Variants in ALK observed in about 807,000 individuals in gnomAD.
The protein encoded by ALK is ALK receptor tyrosine kinase, also known as ALK tyrosine kinase receptor.
Under a neutral mutation model 163.1 loss-of-function variants are expected in ALK, and 74 were observed. The observed-to-expected ratio is 0.45, with a 90% CI of 0.38 to 0.55. The LOEUF (loss-of-function observed/expected upper bound fraction) is 0.55. Ranked by LOEUF, ALK falls within the 20% of genes least tolerant of loss-of-function variation. ALK has a pLI of 0.00. For synonymous variants in ALK, 960 were observed against 843.2 expected (o/e 1.14, Z -2.40); for missense variants, 2,063 against 2,105.3 (o/e 0.98, Z 0.39).
intron 26 of ALK, 116 bp downstream of exon 26, chr2:29,207,055 C>G (rs1669329727): frequency 2.5e-6 from 2 of 793,222 alleles, no homozygotes; most frequent in South Asian, 1.4e-5. Context: ...TGTATTGATT[C>G]TTCTCTTTTC....
At chr2:29,414,396 C>T (rs756569618) in intron 4 of ALK, among the ~76,000 whole-genome samples, 1 of 152,180 alleles carries the variant, frequency 6.6e-6, no homozygotes, top group Non-Finnish European at 1.5e-5. Context: ...ACCTGACAGC[C>T]TGGAGACTGA....
At chr2:29,792,023 T>C (rs867589285) in intron 1 of ALK, among the ~76,000 whole-genome samples, 9 of 152,334 alleles carry the variant, frequency 5.9e-5, no homozygotes, top group Non-Finnish European at 7.3e-5. Flanking sequence ...GAAGTGTCCA[T>C]GTATAGGTTT....
chr2:29,584,712 G>C (rs1674831075), intron 3 of ALK, among the ~76,000 whole-genome samples: 2 of 152,194 alleles, frequency 1.3e-5, no homozygotes. Flanking sequence ...ATTTTGCCAA[G>C]TGATCAGAAT....
At chr2:29,318,238 C>A (rs2276549) in intron 8 of ALK, 66 bp downstream of exon 8, 8 of 1,350,288 alleles carry the variant, frequency 5.9e-6, no homozygotes, top group Non-Finnish European at 8.5e-6. Flanking sequence ...CTTTCTTAAT[C>A]TGGGTTCCGG....
chr2:29,857,133 T>C (rs1371593727), intron 1 of ALK, among the ~76,000 whole-genome samples: 1 of 152,226 alleles, frequency 6.6e-6, no homozygotes, highest in Admixed American at 6.5e-5. Context: ...ACCTAGATCA[T>C]GAAATGTGCA....
chr2:29,786,090 G>A (rs559264529), intron 1 of ALK, among the ~76,000 whole-genome samples: 20 of 152,244 alleles, frequency 1.3e-4, no homozygotes, highest in Admixed American at 9.2e-4. Flanking sequence ...AAGAAAAAAC[G>A]AGACTAAGGA....
At chr2:29,717,865 C>G (rs574436430) in intron 1 of ALK, among the ~76,000 whole-genome samples, 168 bp from the exon 2 acceptor site, 1 of 152,034 alleles carries the variant, frequency 6.6e-6, no homozygotes, top group Admixed American at 6.6e-5. Flanking sequence ...ACCTCAGGAC[C>G]CTGATGTACA....
chr2:29,762,775 C>T (rs1217785567), intron 1 of ALK, among the ~76,000 whole-genome samples: 1 of 152,146 alleles, frequency 6.6e-6, no homozygotes, highest in East Asian at 1.9e-4. Flanking sequence ...TTCCAAGCAT[C>T]TATGGCAGGG....
chr2:29,739,949 G>A (rs957094785), intron 1 of ALK, among the ~76,000 whole-genome samples: 1 of 152,080 alleles, frequency 6.6e-6, no homozygotes, highest in African/African-American at 2.4e-5. Context: ...TGGATAAAAT[G>A]CCAAAAACAC....
rs578119283 is a variant in ALK, at chr2:29,786,520, G to A, written c.668-68823C>T. On this transcript the variant is annotated intron_variant, in intron 1 of 28. Transcript: ENST00000389048. ...TGTGTTAAGAGCGACGGTGCTGGAG[G>A]GCTTCCAGGAGTTGTGTAGAGATCA... is the stretch of plus-strand genomic sequence containing the variant. Among the ~76,000 whole-genome samples, 3 of 152,282 alleles carry A rather than the reference G, an allele frequency of 2.0e-5. No individual in the cohort carries two copies. The South Asian group carries it at 6.2e-4, about 32-fold the overall frequency.
chr2:29,813,139 C>T (rs113507046), intron 1 of ALK, among the ~76,000 whole-genome samples: 2,100 of 152,284 alleles, frequency 0.014, 47 homozygotes, highest in African/African-American at 0.048. Context: ...ATGGAGGAGG[C>T]TGAAGAACAT....
At chr2:29,477,737 G>A (rs1671562400) in intron 4 of ALK, among the ~76,000 whole-genome samples, 1 of 152,178 alleles carries the variant, frequency 6.6e-6, no homozygotes, top group South Asian at 2.1e-4. Flanking sequence ...GGAACTGGAG[G>A]CTCTGTGTGG....
intron 8 of ALK, among the ~76,000 whole-genome samples, chr2:29,302,380 T>G (rs980020056): frequency 6.6e-6 from 1 of 152,154 alleles, no homozygotes; most frequent in African/African-American, 2.4e-5. Context: ...TAGCTGGGTG[T>G]GGTGGCAGGC....
At chr2:29,685,652 C>G (rs998474954) in intron 3 of ALK, among the ~76,000 whole-genome samples, 8 of 110,334 alleles carry the variant, frequency 7.3e-5, no homozygotes, top group African/African-American at 1.9e-4. Context: ...GCCCTGGCCC[C>G]AAGAGCATGT....
intron 5 of ALK, among the ~76,000 whole-genome samples, chr2:29,382,816 T>C (rs1050426531): frequency 6.6e-6 from 1 of 152,210 alleles, no homozygotes; most frequent in Admixed American, 6.5e-5. Flanking sequence ...GTGATTTTTC[T>C]TTTCCCCACA....
At chr2:29,636,947 G>A (rs547136429) in intron 3 of ALK, among the ~76,000 whole-genome samples, 6 of 152,122 alleles carry the variant, frequency 3.9e-5, no homozygotes, top group Admixed American at 2.6e-4. Flanking sequence ...ACCAAATACT[G>A]ATAAGGATTC....
rs772461583 is a variant in ALK at position 29,193,219 on chromosome 2, C to G, written c.*5G>C. On this transcript the variant is annotated 3_prime_UTR_variant, in exon 29 of 29. Coordinates refer to ENST00000389048, the MANE Select transcript of ALK (RefSeq NM_004304.5). ...CAAGGAAGAGAAGTGAGTGTGCGAC[C>G]GAGCTCAGGGCCCAGGCTGGTTCAT... 3.1e-6 allele frequency: 5 copies of G among 1,613,742 alleles called. No homozygotes were observed. The highest frequency in any genetic ancestry group is 2.2e-5 in the East Asian group (1 of 44,862).
chr2:29,416,868 A>G (rs1356659149), intron 4 of ALK, among the ~76,000 whole-genome samples: 1 of 150,852 alleles, frequency 6.6e-6, no homozygotes, highest in Non-Finnish European at 1.5e-5. Context: ...AAAGCTTCTT[A>G]TGTATCACCA....
intron 1 of ALK, among the ~76,000 whole-genome samples, chr2:29,725,570 T>C (rs143029513): frequency 1.2e-3 from 182 of 152,330 alleles, no homozygotes; most frequent in Middle Eastern, 3.4e-3. Flanking sequence ...TGACGATGGA[T>C]TGTAATTGCA....
Sources: gnomAD v4.1 joint callset for allele counts (sites outside exome capture counted in the v4.1 genomes callset) on GRCh38, gnomAD v4.1.1 for gene constraint, MANE v1.5 for transcripts, NCBI Gene and HGNC (gene_info 2026-07-23, HGNC 2026-07-21) for gene names.